The following MATN2 variants were observed in gnomAD, a reference collection of about 807,000 sequenced individuals.
MATN2 encodes matrilin-2.
MATN2 carries 69 observed loss-of-function variants against 103.2 expected under a neutral mutation model. That is an observed-to-expected ratio of 0.67 (90% confidence interval 0.55 to 0.82). The LOEUF is 0.82. Ranked by LOEUF, MATN2 falls within the 40% of genes least tolerant of loss-of-function variation. MATN2 has a pLI of 0.00. For synonymous variants in MATN2, 429 were observed against 450.2 expected (o/e 0.95, Z 0.60); for missense variants, 1,023 against 1,211.5 (o/e 0.84, Z 2.31).
Position 97,982,027 on chromosome 8 carries a change from G to A in MATN2, c.1081+3019G>A, listed in dbSNP as rs1415182843. Among the ~76,000 whole-genome samples, 1 of 152,204 alleles carries A rather than the reference G, an allele frequency of 6.6e-6. No individual in the cohort carries two copies. The highest frequency in any genetic ancestry group is 6.5e-5 in the Admixed American group (1 of 15,282). Reference sequence around the variant, plus strand: ...CAGAATCAAGATCCAGAAGTGGGCCGCCCCAATGCGTGTGCAGGGAAGAGT... The same window carrying A: ...CAGAATCAAGATCCAGAAGTGGGCCACCCCAATGCGTGTGCAGGGAAGAGT... On this transcript the variant is annotated intron_variant, in intron 6 of 18. Transcript: ENST00000254898. This position sits in a 1 kb window ranked among gnomAD's most constrained non-coding sequence, Gnocchi z 4.3.
chr8:98,006,400 A>G (rs1812971382), intron 8 of MATN2, among the ~76,000 whole-genome samples: 1 of 152,220 alleles, frequency 6.6e-6, no homozygotes, highest in Non-Finnish European at 1.5e-5. Context: ...TGAGCGCTTT[A>G]CATAATCAAC....
intron 2 of MATN2, among the ~76,000 whole-genome samples, chr8:97,893,150 C>T (rs1818687417): frequency 1.3e-5 from 2 of 152,190 alleles, no homozygotes; most frequent in Admixed American, 6.5e-5. Flanking sequence ...CAGACTTGAC[C>T]TTCCTGGGTT....
At chr8:98,031,115 T>C (rs1276176850) in intron 15 of MATN2, among the ~76,000 whole-genome samples, 7 of 151,992 alleles carry the variant, frequency 4.6e-5, no homozygotes, top group South Asian at 4.1e-4. Context: ...GGTGGGAGGA[T>C]TGCTCGAGCC....
At chr8:98,021,022 CTT>C (rs1163430143) in intron 12 of MATN2, 181 bp from the exon 13 acceptor site, 1 of 515,590 alleles carries the variant, frequency 1.9e-6, no homozygotes, top group African/African-American at 1.9e-5. Context: ...GGAGCTAGAG[CTT>C]TCTGAGAGGA....
intron 4 of MATN2, among the ~76,000 whole-genome samples, chr8:97,945,717 A>AAAAATATAT (rs59472539): frequency 3.0e-3 from 361 of 121,792 alleles, no homozygotes; most frequent in Middle Eastern, 4.4e-3. Context: ...AAAAAAAAAA[A>AAAAATATAT]ATATATATAT....
Position 98,033,048 on chromosome 8 carries a change from A to G in MATN2, c.2588A>G (p.Glu863Gly), listed in dbSNP as rs1814098255. Residue 863 changes from glutamate to glycine, a missense_variant, in exon 17 of 19, where the codon GAG (glutamate) becomes GGG (glycine). By Grantham distance (98) the Glu-to-Gly change is moderately conservative (BLOSUM62 -2). Transcript: ENST00000254898. ...GTTTTCTTTCTCTTTACAGAATCTG[A>G]GCCAGTCACCATAAATATCCAAGAC... ...PKTVQQPTES[E>G]PVTINIQDLL... The G allele has an allele frequency of 6.2e-7, 1 of 1,606,242 alleles. No individual in the cohort carries two copies. Among genetic ancestry groups the G allele is most frequent in the Non-Finnish European group, 8.5e-7 (1 of 1,177,754 alleles).
chr8:97,873,342 CTCTTTTTT>C (rs1817961814), intron 1 of MATN2, among the ~76,000 whole-genome samples: 1 of 151,422 alleles, frequency 6.6e-6, no homozygotes, highest in South Asian at 2.1e-4. Context: ...GTTTTCACAT[CTCTTTTTT>C]TCTTTTTTTT....
At chr8:98,033,517 T>G in intron 17 of MATN2, 44 bp from the exon 18 acceptor site, 2 of 1,016,626 alleles carry the variant, frequency 2.0e-6, no homozygotes, top group Non-Finnish European at 2.9e-6. Context: ...GTCTGGGAAG[T>G]CTGGTGGATT....
intron 2 of MATN2, among the ~76,000 whole-genome samples, chr8:97,928,006 A>C (rs1294548919): frequency 2.0e-5 from 3 of 152,080 alleles, no homozygotes; most frequent in Non-Finnish European, 4.4e-5. Context: ...TCTTCTCAGC[A>C]GGTAAAGATT....
chr8:97,893,082 G>A lies in MATN2; in HGVS notation c.142+4840G>A, dbSNP rs79735816. The stretch of plus-strand genomic sequence containing the variant: ...TTTGCAGGGGTAGGAGCTGTGGAGG[G>A]CTTTAAGCAGTCAACAGTGGGTGTC... On this transcript the variant is annotated intron_variant, in intron 2 of 18. Coordinates refer to ENST00000254898, the MANE Select transcript of MATN2 (RefSeq NM_002380.5). Among the ~76,000 whole-genome samples the A allele has an allele frequency of 3.5e-3, 537 of 152,266 alleles. 4 individuals carry two copies. Among genetic ancestry groups the A allele is most frequent in the African/African-American group, 0.012 (511 of 41,544 alleles).
chr8:98,000,869 A>G (rs1812761012), intron 7 of MATN2, among the ~76,000 whole-genome samples: 1 of 152,226 alleles, frequency 6.6e-6, no homozygotes, highest in Non-Finnish European at 1.5e-5. Context: ...ATACTACATA[A>G]CCATTGTGAT....
intron 2 of MATN2, among the ~76,000 whole-genome samples, chr8:97,922,915 G>A (rs946576201): frequency 1.3e-5 from 2 of 152,172 alleles, no homozygotes; most frequent in Non-Finnish European, 2.9e-5. Context: ...ACAGTCAGGA[G>A]TCTTTTCCTT....
intron 5 of MATN2, among the ~76,000 whole-genome samples, chr8:97,962,630 G>A (rs183530153): frequency 1.9e-4 from 29 of 152,266 alleles, no homozygotes; most frequent in Admixed American, 3.9e-4. Context: ...TTAATCTGCT[G>A]GTGGTGGCCA....
intron 2 of MATN2, among the ~76,000 whole-genome samples, chr8:97,910,025 C>T (rs1201087200): frequency 5.9e-5 from 9 of 151,464 alleles, no homozygotes; most frequent in African/African-American, 1.9e-4. Flanking sequence ...CCTCGTGATC[C>T]GCTCACCTCG....
rs746320735 is a variant in MATN2 at position 97,968,857 on chromosome 8, AGT to A, written c.958+7332_958+7333del. On this transcript the variant is annotated intron_variant, in intron 5 of 18. Coordinates refer to ENST00000254898, the MANE Select transcript of MATN2 (RefSeq NM_002380.5). ...TTCCAAAGCTGCTTCCATACTTTCA[AGT>A]GTGTTAATAGCAACACCCCACTCTC... is the stretch of plus-strand genomic sequence containing the variant. 5.3e-5 allele frequency among the ~76,000 whole-genome samples: 8 copies of A among 152,316 alleles called. No homozygotes were observed. The East Asian group carries it at 1.3e-3, about 26-fold the overall frequency.
intron 7 of MATN2, among the ~76,000 whole-genome samples, chr8:97,998,771 AAT>A (rs1235066318): frequency 3.9e-5 from 6 of 151,990 alleles, no homozygotes; most frequent in Admixed American, 6.6e-5. Flanking sequence ...ACTTGTATAC[AAT>A]ATGTTGTTTT....
chr8:97,971,190 G>C (rs1248540869), intron 5 of MATN2, among the ~76,000 whole-genome samples: 2 of 152,110 alleles, frequency 1.3e-5, no homozygotes, highest in Admixed American at 6.5e-5. Context: ...CTTGAGAAGG[G>C]TTCTCAGATA....
At chr8:97,917,892 C>A (rs1809686890) in intron 2 of MATN2, among the ~76,000 whole-genome samples, 1 of 152,176 alleles carries the variant, frequency 6.6e-6, no homozygotes, top group South Asian at 2.1e-4. Context: ...TGAGACCAGC[C>A]TGGGCAACAT....
At chr8:97,947,776 T>C (rs1468746606) in intron 4 of MATN2, among the ~76,000 whole-genome samples, 1 of 152,180 alleles carries the variant, frequency 6.6e-6, no homozygotes, top group Non-Finnish European at 1.5e-5. Flanking sequence ...AAAATATACA[T>C]GAACATGCAA....
Sources: gnomAD v4.1 joint callset for allele counts (sites outside exome capture counted in the v4.1 genomes callset) on GRCh38, gnomAD v4.1.1 for gene constraint, Gnocchi (gnomAD v3.1) non-coding constraint, MANE v1.5 for transcripts, NCBI Gene and HGNC (gene_info 2026-07-23, HGNC 2026-07-21) for gene names.